The following AGPS variants were observed in gnomAD, a reference collection of about 807,000 sequenced individuals.
AGPS encodes the protein alkyldihydroxyacetonephosphate synthase, peroxisomal.
Under a neutral mutation model 90.7 loss-of-function variants are expected in AGPS, and 26 were observed. That is an observed-to-expected ratio of 0.29 (90% confidence interval 0.21 to 0.40). The LOEUF (loss-of-function observed/expected upper bound fraction) is 0.40. AGPS is among the 10% of genes least tolerant of loss of function. The pLI is 1.00. For missense variants in AGPS, 540 were observed against 816.1 expected (o/e 0.66, Z 4.12); for synonymous variants, 294 against 285.3 (o/e 1.03, Z -0.31).
chr2:177,435,100 T>C (rs1273293506), intron 3 of AGPS, among the ~76,000 whole-genome samples: 1 of 150,604 alleles, frequency 6.6e-6, no homozygotes, highest in Non-Finnish European at 1.5e-5. Context: ...CATTTCTTTT[T>C]ATTATTTTTG....
rs142950041 is a variant in AGPS at position 177,511,221 on chromosome 2, T to C, written c.1608-2598T>C. 1.1e-3 allele frequency among the ~76,000 whole-genome samples: 172 copies of C among 152,186 alleles called. 1 individual carries two copies. In the East Asian group the frequency reaches 0.031, roughly 27 times the overall value. ...CTCAAATGATTCTCCCATCTTGGCC[T>C]CCTAGCTAGCTAGGATCCCAGGTGC... On this transcript the variant is annotated intron_variant, in intron 16 of 19. Transcript: ENST00000264167.
chr2:177,409,640 C>T (rs1271279951), intron 1 of AGPS, among the ~76,000 whole-genome samples: 2 of 152,138 alleles, frequency 1.3e-5, no homozygotes, highest in African/African-American at 4.8e-5. Flanking sequence ...CTCTTAACTG[C>T]TTCCTGCTGA....
At chr2:177,421,050 G>A (rs975600321) in intron 2 of AGPS, among the ~76,000 whole-genome samples, 1 of 151,912 alleles carries the variant, frequency 6.6e-6, no homozygotes, top group African/African-American at 2.4e-5. Context: ...GAATTCTAAA[G>A]GATATTTGTG....
intron 14 of AGPS, among the ~76,000 whole-genome samples, chr2:177,505,125 G>A (rs577087571): frequency 1.3e-5 from 2 of 152,022 alleles, no homozygotes; most frequent in Admixed American, 1.3e-4. Flanking sequence ...TACTCATCTT[G>A]TATTCTGGAA....
At chr2:177,440,151 C>T (rs1251587808) in intron 5 of AGPS, among the ~76,000 whole-genome samples, 2 of 151,900 alleles carry the variant, frequency 1.3e-5, no homozygotes, top group Non-Finnish European at 2.9e-5. Flanking sequence ...CTAGGTTTTC[C>T]CACTATAAGG....
At chr2:177,487,255 T>G (rs1688122885) in intron 11 of AGPS, among the ~76,000 whole-genome samples, 1 of 152,020 alleles carries the variant, frequency 6.6e-6, no homozygotes, top group Non-Finnish European at 1.5e-5. Flanking sequence ...AGAGGAGCAT[T>G]TATTCCAACA....
At chr2:177,419,399 C>T (rs977935836) in intron 1 of AGPS, among the ~76,000 whole-genome samples, 3 of 151,842 alleles carry the variant, frequency 2.0e-5, no homozygotes, top group Non-Finnish European at 4.4e-5. Flanking sequence ...TAAGAAGACT[C>T]ACCACCAATT....
chr2:177,541,987 G>C lies in AGPS; in HGVS notation c.*3792G>C, dbSNP rs536777692. 1 of 152,072 alleles carries C rather than the reference G, an allele frequency of 6.6e-6. No homozygotes were observed. Among genetic ancestry groups the C allele is most frequent in the Non-Finnish European group, 1.5e-5 (1 of 67,992 alleles). The allele number at this position is 152,072 out of a possible 1,614,324, so 9.4% of individuals were successfully genotyped here. On this transcript the variant is annotated 3_prime_UTR_variant, in exon 20 of 20. Coordinates refer to ENST00000264167, the MANE Select transcript of AGPS (RefSeq NM_003659.4). ...TGAAATTTAACTGTAAAAACTACTT[G>C]TAATGTCAAGAGATTATAGATCATA...
intron 1 of AGPS, among the ~76,000 whole-genome samples, chr2:177,417,744 T>G (rs1354406819): frequency 6.6e-6 from 1 of 152,182 alleles, no homozygotes; most frequent in South Asian, 2.1e-4. Flanking sequence ...AGTTTTCAAA[T>G]TCTGTGACTA....
chr2:177,450,881 A>G (rs998049008), intron 8 of AGPS, among the ~76,000 whole-genome samples: 1 of 114,156 alleles, frequency 8.8e-6, no homozygotes, highest in African/African-American at 3.0e-5. Context: ...GACCTGACCC[A>G]TGAACATGGT....
At chr2:177,500,188 T>C (rs1321211508) in intron 14 of AGPS, among the ~76,000 whole-genome samples, 1 of 151,978 alleles carries the variant, frequency 6.6e-6, no homozygotes, top group Non-Finnish European at 1.5e-5. Flanking sequence ...GCACCCCCTG[T>C]CACTTACTGT....
rs564010429 is a variant in AGPS, at chr2:177,539,088, C to G, written c.*893C>G. The G allele has an allele frequency of 1.3e-5, 2 of 151,970 alleles. No individual in the cohort carries two copies. Among genetic ancestry groups the G allele is most frequent in the African/African-American group, 4.8e-5 (2 of 41,410 alleles). The allele number at this position is 151,970 out of a possible 1,614,324, so 9.4% of individuals were successfully genotyped here. On this transcript the variant is annotated 3_prime_UTR_variant, in exon 20 of 20. Coordinates refer to ENST00000264167, the MANE Select transcript of AGPS (RefSeq NM_003659.4). ...AGGAAAACTCTTAGACTTAATGTCT[C>G]CAATTGCAAGAATTGTTTCACTAAA...
rs6736063 is a variant in AGPS, at chr2:177,499,273, C to G, written c.1363-345C>G. Among the ~76,000 whole-genome samples the G allele has an allele frequency of 0.026, 4,014 of 151,712 alleles. 180 individuals are homozygous for G. Among genetic ancestry groups the G allele is most frequent in the African/African-American group, 0.092 (3,796 of 41,406 alleles). On this transcript the variant is annotated intron_variant, in intron 13 of 19. Transcript: ENST00000264167. ...GCTTCCCGCCCAATATATCCAGCTA[C>G]TTTATTCTATCATTCTGCAGTTTTT...
chr2:177,415,486 G>T (rs1476593715), intron 1 of AGPS, among the ~76,000 whole-genome samples: 1 of 152,150 alleles, frequency 6.6e-6, no homozygotes, highest in African/African-American at 2.4e-5. Flanking sequence ...ACACTGCTAA[G>T]AATTATCACA....
intron 17 of AGPS, among the ~76,000 whole-genome samples, chr2:177,519,240 C>T (rs1019662390): frequency 6.6e-6 from 1 of 152,084 alleles, no homozygotes; most frequent in Non-Finnish European, 1.5e-5. Flanking sequence ...TTTGTTATCT[C>T]CTGGTTGATT....
intron 10 of AGPS, among the ~76,000 whole-genome samples, chr2:177,469,822 A>C (rs1465438764): frequency 6.6e-6 from 1 of 152,134 alleles, no homozygotes; most frequent in Non-Finnish European, 1.5e-5. Context: ...TTTTTTTTCA[A>C]ATAGCCACAT....
chr2:177,442,703 C>T (rs1011853400), intron 7 of AGPS, among the ~76,000 whole-genome samples: 4 of 151,496 alleles, frequency 2.6e-5, no homozygotes, highest in African/African-American at 7.3e-5. Context: ...AAAAATTAAC[C>T]GAGTGTGGTG....
intron 1 of AGPS, among the ~76,000 whole-genome samples, chr2:177,401,703 C>A (rs1041987855): frequency 6.6e-6 from 1 of 152,100 alleles, no homozygotes; most frequent in Non-Finnish European, 1.5e-5. Flanking sequence ...CAGCACCACG[C>A]CTGGCTAATT....
At chr2:177,439,735 CT>C (rs1271535521) in intron 5 of AGPS, among the ~76,000 whole-genome samples, 1 of 152,140 alleles carries the variant, frequency 6.6e-6, no homozygotes, top group East Asian at 1.9e-4. Flanking sequence ...CTCTTAGCAA[CT>C]AATACTGGAG....
Sources: allele counts gnomAD v4.1 joint callset (sites outside exome capture counted in the v4.1 genomes callset), GRCh38; gene constraint gnomAD v4.1.1; transcripts MANE v1.5; gene names NCBI Gene and HGNC (gene_info 2026-07-23, HGNC 2026-07-21).